GRID2: variants seen among roughly 807,000 people sequenced by gnomAD.
GRID2 encodes glutamate receptor ionotropic, delta-2.
GRID2 carries 33 observed loss-of-function variants against 114.8 expected under a neutral mutation model. The ratio of observed to expected loss-of-function variants is 0.29; its 90% confidence interval spans 0.22 to 0.38. GRID2 has a LOEUF of 0.38. GRID2 is among the 10% of genes least tolerant of loss of function. The probability of loss-of-function intolerance (pLI) is 1.00; values close to 1 mark genes in which losing one functional copy is unlikely to be tolerated. For synonymous variants in GRID2, 505 were observed against 449.9 expected, an observed-to-expected ratio of 1.12 and a Z score of -1.55; for missense variants, 1,184 against 1,257.7, an observed-to-expected ratio of 0.94 and a Z score of 0.89.
At chr4:93,456,631 C>G (rs1187877699) in intron 11 of GRID2, among the ~76,000 whole-genome samples, 1 of 152,096 alleles carries the variant, frequency 6.6e-6, no homozygotes, top group East Asian at 1.9e-4. Flanking sequence ...ATATTTATTG[C>G]ATTCCTTACT....
intron 9 of GRID2, among the ~76,000 whole-genome samples, chr4:93,401,308 A>G (rs1341295158): frequency 6.6e-6 from 1 of 152,090 alleles, no homozygotes; most frequent in Admixed American, 6.6e-5. Context: ...AAAGACTGTG[A>G]TAGTGATTTT....
intron 1 of GRID2, among the ~76,000 whole-genome samples, chr4:92,422,897 T>G (rs1264323673): frequency 6.6e-6 from 1 of 152,188 alleles, no homozygotes; most frequent in Non-Finnish European, 1.5e-5. Flanking sequence ...CCCCCAAAGT[T>G]AGTTCAGCAT....
intron 8 of GRID2, among the ~76,000 whole-genome samples, chr4:93,381,100 C>T (rs2149308202): frequency 6.6e-6 from 1 of 152,154 alleles, no homozygotes; most frequent in African/African-American, 2.4e-5. Context: ...CCATCTTAAA[C>T]ATTTTAAGTG....
chr4:93,575,712 C>T (rs1416202026), intron 13 of GRID2, among the ~76,000 whole-genome samples: 1 of 152,038 alleles, frequency 6.6e-6, no homozygotes, highest in East Asian at 1.9e-4. Context: ...ATAAAGATAG[C>T]CTGATGTACT....
chr4:92,431,570 A>G (rs1260921045), intron 1 of GRID2, among the ~76,000 whole-genome samples: 3 of 142,576 alleles, frequency 2.1e-5, no homozygotes, highest in African/African-American at 7.9e-5. Context: ...TTATTGTTTG[A>G]CGTGTCTTTT....
At chr4:92,678,258 A>G (rs1560527638) in intron 2 of GRID2, among the ~76,000 whole-genome samples, 1 of 152,012 alleles carries the variant, frequency 6.6e-6, no homozygotes, top group Non-Finnish European at 1.5e-5. Flanking sequence ...CTCACATACT[A>G]TGTTACTTCT....
intron 1 of GRID2, among the ~76,000 whole-genome samples, chr4:92,446,216 G>A (rs987694773): frequency 1.3e-5 from 2 of 152,016 alleles, no homozygotes; most frequent in African/African-American, 2.4e-5. Context: ...CAAAGTGCTG[G>A]GATTACAGGC....
chr4:92,583,717 ACACG>A (rs1728287667), intron 1 of GRID2, among the ~76,000 whole-genome samples: 1 of 150,038 alleles, frequency 6.7e-6, no homozygotes, highest in African/African-American at 2.4e-5. Flanking sequence ...ATATATAAAC[ACACG>A]CACAAATAAG....
intron 4 of GRID2, chr4:93,204,164 C>T (rs547684653): frequency 3.3e-5 from 5 of 152,082 alleles, no homozygotes; most frequent in South Asian, 2.1e-4. Flanking sequence ...GTTTGTAGGG[C>T]AGGGTATTTT....
chr4:93,117,693 T>C lies in GRID2; in HGVS notation c.735+6740T>C, dbSNP rs115242078. The stretch of plus-strand genomic sequence containing the variant: ...TCATCAGTGATTTCCCTGTTTAAAA[T>C]ATCTCCCAAACATAGTGCTAAAGTG... On this transcript the variant is annotated intron_variant, in intron 4 of 15. Transcript: ENST00000282020. Among the ~76,000 whole-genome samples the C allele has an allele frequency of 6.1e-3, 932 of 152,234 alleles. 17 individuals carry two copies. Among genetic ancestry groups the C allele is most frequent in the African/African-American group, 0.022 (906 of 41,528 alleles).
chr4:92,987,441 T>C (rs1328077361), intron 2 of GRID2, among the ~76,000 whole-genome samples: 2 of 151,678 alleles, frequency 1.3e-5, no homozygotes, highest in African/African-American at 4.8e-5. Flanking sequence ...TATAATGTTG[T>C]GGGGGTGGGA....
chr4:92,411,655 G>GTGTGTGTGTATATATATATATATA, intron 1 of GRID2, among the ~76,000 whole-genome samples: 8 of 84,690 alleles, frequency 9.4e-5, no homozygotes, highest in African/African-American at 4.1e-4. Context: ...GTGTGTGTGT[G>GTGTGTGTGTATATATATATATATA]TATATATATA....
At chr4:92,765,804 C>T (rs1294594428) in intron 2 of GRID2, among the ~76,000 whole-genome samples, 4 of 152,174 alleles carry the variant, frequency 2.6e-5, no homozygotes, top group African/African-American at 4.8e-5. Flanking sequence ...AGAGAGGCAT[C>T]CCCTGATTGC....
intron 14 of GRID2, among the ~76,000 whole-genome samples, chr4:93,765,608 T>TAATATA (rs369052724): frequency 7.8e-4 from 23 of 29,500 alleles, no homozygotes; most frequent in Admixed American, 3.2e-3. Flanking sequence ...AGGTGAGGTA[T>TAATATA]TATATATATA....
chr4:93,455,699 C>A lies in GRID2; in HGVS notation c.1583C>A (p.Pro528Gln), dbSNP rs1401777887. ...GGGATTTCTGCTTTAACCATCACTC[C>A]AGATCGTGAAAATGTGGTGGACTTT... ...DIGISALTIT[P>Q]DRENVVDFTT... is the part of the protein sequence containing the mutation. Residue 528 changes from proline to glutamine, a missense_variant, in exon 11 of 16, where the codon CCA (proline) becomes CAA (glutamine). Coordinates refer to ENST00000282020, the MANE Select transcript of GRID2 (RefSeq NM_001510.4). The A allele has an allele frequency of 2.5e-6, 4 of 1,612,918 alleles. No homozygotes were observed. The South Asian group carries it at 4.4e-5, about 18-fold the overall frequency.
intron 2 of GRID2, among the ~76,000 whole-genome samples, chr4:92,630,893 A>G (rs996917568): frequency 1.3e-5 from 2 of 152,094 alleles, no homozygotes; most frequent in African/African-American, 4.8e-5. Flanking sequence ...TAATTAATGT[A>G]TTCTATGCAT....
intron 2 of GRID2, among the ~76,000 whole-genome samples, chr4:92,917,786 T>C (rs1421859241): frequency 1.3e-5 from 2 of 152,200 alleles, no homozygotes; most frequent in East Asian, 3.9e-4. Context: ...GGTAGCGTGA[T>C]GCCTCCAGCT....
intron 2 of GRID2, among the ~76,000 whole-genome samples, chr4:93,038,802 A>G (rs989811117): frequency 6.6e-6 from 1 of 151,962 alleles, no homozygotes; most frequent in Non-Finnish European, 1.5e-5. Context: ...AAAGAAAAAA[A>G]AAAGGTCAGG....
chr4:93,453,359 A>AGAGAGAGAGAGAGAGT (rs1284889245), intron 10 of GRID2, among the ~76,000 whole-genome samples: 76 of 121,256 alleles, frequency 6.3e-4, no homozygotes, highest in South Asian at 3.6e-3. Context: ...AGAGAGAGAG[A>AGAGAGAGAGAGAGAGT]GTGTGTGTAT....
Sources: allele counts gnomAD v4.1 joint callset (sites outside exome capture counted in the v4.1 genomes callset), GRCh38; gene constraint gnomAD v4.1.1; transcripts MANE v1.5; gene names NCBI Gene and HGNC (gene_info 2026-07-23, HGNC 2026-07-21).